NBEA: variants seen among roughly 807,000 people sequenced by gnomAD.
The protein encoded by NBEA is neurobeachin.
In NBEA, 44 loss-of-function variants were observed where a neutral mutation model predicts 343.4. The observed-to-expected ratio is 0.13, with a 90% CI of 0.10 to 0.16. The LOEUF (loss-of-function observed/expected upper bound fraction) is 0.16, where lower values mean the gene tolerates loss of function less well. Ranked by LOEUF, NBEA falls within the 10% of genes least tolerant of loss-of-function variation. NBEA has a pLI of 1.00. For synonymous variants in NBEA, 1,175 were observed against 1,238.7 expected, an observed-to-expected ratio of 0.95 and a Z score of 1.08; for missense variants, 2,555 against 3,631.3, an observed-to-expected ratio of 0.70 and a Z score of 7.62.
chr13:35,600,552 A>G lies in NBEA; in HGVS notation c.7297-5874A>G, dbSNP rs184930936. The stretch of plus-strand genomic sequence containing the variant: ...TTTTTGATCCGTGCCCCTAAAAAAA[A>G]TTGAGACCAAATAGCTTCTAGAATA... On this transcript the variant is annotated intron_variant, in intron 47 of 58. Transcript: ENST00000379939. 1.3e-4 allele frequency among the ~76,000 whole-genome samples: 20 copies of G among 152,312 alleles called. No homozygotes were observed. In the East Asian group the frequency reaches 3.9e-3, roughly 29 times the overall value.
chr13:35,194,730 C>T (rs548520077), intron 30 of NBEA, among the ~76,000 whole-genome samples: 121 of 152,016 alleles, frequency 8.0e-4, no homozygotes, highest in Non-Finnish European at 1.5e-3. Context: ...AATTTGGTAA[C>T]ATTTTATTAT....
At chr13:35,046,631 CAGTA>C (rs1283701870) in intron 4 of NBEA, among the ~76,000 whole-genome samples, 2 of 152,050 alleles carry the variant, frequency 1.3e-5, no homozygotes, top group Non-Finnish European at 2.9e-5. Flanking sequence ...TAACTGCACA[CAGTA>C]AGAGATTAAC....
chr13:34,960,314 G>T (rs1406337264), intron 1 of NBEA, among the ~76,000 whole-genome samples: 1 of 152,048 alleles, frequency 6.6e-6, no homozygotes, highest in Non-Finnish European at 1.5e-5. Context: ...TGTGTTTTAA[G>T]CTAATTATTA....
chr13:35,328,168 A>T (rs1018528365), intron 36 of NBEA, among the ~76,000 whole-genome samples: 1 of 152,030 alleles, frequency 6.6e-6, no homozygotes, highest in Non-Finnish European at 1.5e-5. Context: ...AAATTTAGCA[A>T]AGTCACAGGA....
At chr13:35,176,606 C>G (rs569672158) in intron 27 of NBEA, among the ~76,000 whole-genome samples, 1 of 152,052 alleles carries the variant, frequency 6.6e-6, no homozygotes, top group African/African-American at 2.4e-5. Flanking sequence ...ATCTCATATA[C>G]TAGTGTAGTA....
At chr13:35,130,825 A>G (rs1426719678) in intron 17 of NBEA, among the ~76,000 whole-genome samples, 1 of 152,218 alleles carries the variant, frequency 6.6e-6, no homozygotes, top group East Asian at 1.9e-4. Flanking sequence ...GCAATTAAAC[A>G]AGAAATCAAT....
At chr13:35,578,748 G>A (rs913385423) in intron 45 of NBEA, among the ~76,000 whole-genome samples, 2 of 152,048 alleles carry the variant, frequency 1.3e-5, no homozygotes, top group Admixed American at 1.3e-4. Context: ...TATGTGTGCA[G>A]GTTTGAGTAT....
At chr13:35,086,624 G>A (rs1324936307) in intron 10 of NBEA, among the ~76,000 whole-genome samples, 1 of 151,968 alleles carries the variant, frequency 6.6e-6, no homozygotes, top group Non-Finnish European at 1.5e-5. Flanking sequence ...AAACATGTGA[G>A]TGCGTGTATC....
intron 53 of NBEA, among the ~76,000 whole-genome samples, chr13:35,653,916 C>A (rs1353377492): frequency 6.6e-6 from 1 of 152,134 alleles, no homozygotes; most frequent in African/African-American, 2.4e-5. Flanking sequence ...GCCTGGGACC[C>A]TTGGTCTTCT....
chr13:35,114,951 G>A (rs1041101258), intron 13 of NBEA, among the ~76,000 whole-genome samples: 16 of 152,116 alleles, frequency 1.1e-4, no homozygotes, highest in East Asian at 3.9e-4. Flanking sequence ...ACTAGCTTTC[G>A]TAGAACTATT....
chr13:35,346,784 AGAG>A (rs1167732958), intron 36 of NBEA, among the ~76,000 whole-genome samples: 2 of 152,136 alleles, frequency 1.3e-5, no homozygotes, highest in African/African-American at 2.4e-5. Flanking sequence ...CTAGAGTGAC[AGAG>A]TAGTTATTTA....
At chr13:35,295,169 TTATC>T (rs1029093808) in intron 35 of NBEA, among the ~76,000 whole-genome samples, 1 of 148,988 alleles carries the variant, frequency 6.7e-6, no homozygotes, top group Admixed American at 6.7e-5. Context: ...ATTTATTTGT[TTATC>T]TAGGGTATTA....
intron 41 of NBEA, among the ~76,000 whole-genome samples, chr13:35,528,331 C>G (rs577600306): frequency 6.6e-6 from 1 of 152,142 alleles, no homozygotes; most frequent in Non-Finnish European, 1.5e-5. Context: ...ATAAAGAAGA[C>G]ATTCGTTTAA....
intron 58 of NBEA, 147 bp downstream of exon 58, chr13:35,668,666 G>A (rs2085467537): frequency 5.2e-6 from 4 of 774,208 alleles, no homozygotes; most frequent in Non-Finnish European, 7.6e-6. Flanking sequence ...ATGAGGGGAA[G>A]AGTAAGGATT....
chr13:35,335,871 G>T (rs981564665), intron 36 of NBEA, among the ~76,000 whole-genome samples: 1 of 151,970 alleles, frequency 6.6e-6, no homozygotes, highest in Non-Finnish European at 1.5e-5. Flanking sequence ...TTCGCATGCC[G>T]GGGGCTACAT....
chr13:35,625,532 G>A (rs2153063844), intron 48 of NBEA, among the ~76,000 whole-genome samples: 1 of 152,226 alleles, frequency 6.6e-6, no homozygotes, highest in South Asian at 2.1e-4. Context: ...GGCTGAGATG[G>A]AAGGATCACT....
Position 34,996,051 on chromosome 13 carries a change from C to T in NBEA, c.295-44882C>T, listed in dbSNP as rs116605671. On this transcript the variant is annotated intron_variant, in intron 1 of 58. Transcript: ENST00000379939. The stretch of plus-strand genomic sequence containing the variant: ...ACCTTAGTGAAATTAAATGACTTAC[C>T]CAAGATCACAATACTAATTTGAAAT... Among the ~76,000 whole-genome samples, 263 of 152,184 alleles carry T rather than the reference C, an allele frequency of 1.7e-3. 1 individual carries two copies. Among genetic ancestry groups the T allele is most frequent in the African/African-American group, 6.2e-3 (256 of 41,530 alleles).
chr13:35,473,003 T>C (rs2075720237), intron 41 of NBEA, among the ~76,000 whole-genome samples: 1 of 152,216 alleles, frequency 6.6e-6, no homozygotes, highest in Non-Finnish European at 1.5e-5. Context: ...TTTGTCCATC[T>C]CCTGAAATAA....
chr13:35,527,497 A>G (rs2078035793), intron 41 of NBEA, among the ~76,000 whole-genome samples: 2 of 152,154 alleles, frequency 1.3e-5, no homozygotes, highest in Non-Finnish European at 2.9e-5. Flanking sequence ...GGTTGCCTTC[A>G]GCTACCCCCA....
Sources: gnomAD v4.1 joint callset for allele counts (sites outside exome capture counted in the v4.1 genomes callset) on GRCh38, gnomAD v4.1.1 for gene constraint, MANE v1.5 for transcripts, NCBI Gene and HGNC (gene_info 2026-07-23, HGNC 2026-07-21) for gene names.